The following GPR137 variants were observed in gnomAD, a reference collection of about 807,000 sequenced individuals.
GPR137 encodes the protein integral membrane protein GPR137.
In GPR137, 20 loss-of-function variants were observed where a neutral mutation model predicts 38.9. The observed-to-expected ratio is 0.51, with a 90% confidence interval of 0.36 to 0.75. The LOEUF (loss-of-function observed/expected upper bound fraction) is 0.75, where lower values mean the gene tolerates loss of function less well. Ranked by LOEUF, GPR137 falls within the 30% of genes least tolerant of loss-of-function variation. GPR137 has a pLI of 0.00. For missense variants in GPR137, 456 were observed against 526.4 expected (o/e 0.87, Z 1.31); for synonymous variants, 226 against 235.8 (o/e 0.96, Z 0.38).
chr11:64,285,858 G>A lies in GPR137; in HGVS notation c.-667G>A. The A allele has an allele frequency of 6.1e-6, 6 of 983,478 alleles. No individual in the cohort carries two copies. Among genetic ancestry groups the A allele is most frequent in the Non-Finnish European group, 7.2e-6 (6 of 828,178 alleles). 60.9% of individuals were successfully genotyped at this position (983,478 alleles called of 1,614,324 possible). ...GAGGGGGAGGGGGGCGGAGCAGCGGGAGCCGGGGAGCCGGAGCCCCGGGTC... is the reference window on the plus strand; with the variant it reads ...GAGGGGGAGGGGGGCGGAGCAGCGGAAGCCGGGGAGCCGGAGCCCCGGGTC... On this transcript the variant is annotated 5_prime_UTR_variant, in exon 1 of 7. Transcript: ENST00000438980.
chr11:64,284,991 T>TC (rs1378584490), upstream of GPR137: 1 of 1,307,890 alleles, frequency 7.6e-7, no homozygotes, highest in Non-Finnish European at 9.8e-7. Flanking sequence ...GGCCTTAGTT[T>TC]CCCCCCAGTG....
intron 1 of GPR137, chr11:64,270,678 C>A (rs570760113): frequency 1.8e-6 from 1 of 551,896 alleles, no homozygotes; most frequent in African/African-American, 1.9e-5. Flanking sequence ...GCCTGTAATC[C>A]CAGCACTTTG....
At chr11:64,278,080 G>A (rs1468465167) in intron 2 of GPR137, among the ~76,000 whole-genome samples, 1 of 152,090 alleles carries the variant, frequency 6.6e-6, no homozygotes, top group Non-Finnish European at 1.5e-5. Flanking sequence ...TTGAGGCCAG[G>A]AGTTCGAGAC....
chr11:64,280,114 G>A (rs369730302), upstream of GPR137, among the ~76,000 whole-genome samples: 63 of 151,376 alleles, frequency 4.2e-4, no homozygotes, highest in Middle Eastern at 3.4e-3. Flanking sequence ...TCAGGAGATC[G>A]AGACCATCCT....
At position 64,288,123 on chromosome 11, in the gene GPR137, G is replaced by A; in HGVS notation, c.692G>A (p.Ser231Asn). The change falls in exon 4 of 7, where the codon AGC (serine) becomes AAC (asparagine). Residue 231 changes from serine (S) to asparagine (N), a missense_variant. Ser to Asn is a conservative substitution (Grantham distance 46). Transcript: ENST00000438980. The surrounding 1 kb of genome is among the most constrained non-coding windows in gnomAD (Gnocchi z 5.5). ...MGGAMVLLYA[S>N]RACYNLTALA... ...GGCGCCATGGTCCTGCTCTATGCCA[G>A]CCGGGCCTGCTACAACCTGACAGCA... 1 of 1,612,612 alleles carries A rather than the reference G, an allele frequency of 6.2e-7. No individual in the cohort carries two copies. Among genetic ancestry groups the A allele is most frequent in the Non-Finnish European group, 8.5e-7 (1 of 1,180,006 alleles).
Position 64,288,901 on chromosome 11 carries a change from C to T in GPR137, c.1032-136C>T. The T allele has an allele frequency of 6.9e-7, 1 of 1,440,570 alleles. No individual in the cohort carries two copies. The highest frequency in any genetic ancestry group is 2.5e-5 in the East Asian group (1 of 40,140). 89.2% of individuals were successfully genotyped at this position (1,440,570 alleles called of 1,614,324 possible). A position where few individuals can be genotyped will look rare whatever the true frequency, so the allele number is the denominator to read the frequency against. On this transcript the variant is annotated intron_variant, in intron 6 of 6. Coordinates refer to ENST00000438980, the MANE Select transcript of GPR137 (RefSeq NM_001170880.2). This position sits in a 1 kb window ranked among gnomAD's most constrained non-coding sequence, Gnocchi z 5.5. ...CTATTGCTAAAGCCTCCACCTCTTG[C>T]CTAGAGATGTACTTTGTCCTGGGCC...
At chr11:64,280,135 G>A (rs1207030702), upstream of GPR137, among the ~76,000 whole-genome samples, 2 of 151,430 alleles carry the variant, frequency 1.3e-5, no homozygotes, top group Non-Finnish European at 2.9e-5. Context: ...GGCTAACATG[G>A]TGAAACCCCA....
Position 64,289,304 on chromosome 11 carries a change from AC to A in GPR137, c.*113del. 1 of 1,609,684 alleles carries A rather than the reference AC, an allele frequency of 6.2e-7. No individual in the cohort carries two copies. The highest frequency in any genetic ancestry group is 8.5e-7 in the Non-Finnish European group (1 of 1,178,898). ...GCCCAGGATCCTGGGGGTCGTGGCT[AC>A]CCCCTCCTCTGGCCGGCTCCTTGCT... On this transcript the variant is annotated 3_prime_UTR_variant, in exon 7 of 7. Coordinates refer to ENST00000438980, the MANE Select transcript of GPR137 (RefSeq NM_001170880.2).
intron 2 of GPR137, chr11:64,276,946 G>A (rs566098716): frequency 1.8e-5 from 14 of 756,864 alleles, no homozygotes; most frequent in Admixed American, 1.3e-4. Context: ...CTGAGTCAGC[G>A]GCTGGGGCGG....
At chr11:64,281,702 C>G (rs556524491), upstream of GPR137, among the ~76,000 whole-genome samples, 1 of 152,316 alleles carries the variant, frequency 6.6e-6, no homozygotes, top group Non-Finnish European at 1.5e-5. Flanking sequence ...ATCACTCCCC[C>G]CGCCCCTGTG....
upstream of GPR137, among the ~76,000 whole-genome samples, chr11:64,282,559 A>C (rs1346061582): frequency 1.4e-5 from 2 of 146,668 alleles, no homozygotes; most frequent in African/African-American, 5.1e-5. Context: ...ACAAAAGGAG[A>C]CCCCGCCCCT....
Position 64,288,454 on chromosome 11 carries a change from C to T in GPR137, c.898C>T (p.Pro300Ser). 1 of 1,613,328 alleles carries T rather than the reference C, an allele frequency of 6.2e-7. No homozygotes were observed. Among genetic ancestry groups the T allele is most frequent in the South Asian group, 1.1e-5 (1 of 91,084 alleles). The change falls in exon 5 of 7, where the codon CCC becomes TCC. Residue 300 changes from proline to serine, a missense_variant. Coordinates refer to ENST00000438980, the MANE Select transcript of GPR137 (RefSeq NM_001170880.2). This position sits in a 1 kb window ranked among gnomAD's most constrained non-coding sequence, Gnocchi z 5.5. Reference sequence around the variant, plus strand: ...GGTGGGCTTCTTCCGGGTGCACCGGCCCCCACAGGACCTGGTAAGGGTCTG... The same window carrying T: ...GGTGGGCTTCTTCCGGGTGCACCGGTCCCCACAGGACCTGGTAAGGGTCTG... ...LLVGFFRVHR[P>S]PQDLSTSHIL...
upstream of GPR137, among the ~76,000 whole-genome samples, chr11:64,281,704 G>A (rs1195789094): frequency 6.6e-6 from 1 of 151,990 alleles, no homozygotes; most frequent in Admixed American, 6.6e-5. Flanking sequence ...CACTCCCCCC[G>A]CCCCTGTGAC....
chr11:64,285,376 G>A, upstream of GPR137: 4 of 985,110 alleles, frequency 4.1e-6, no homozygotes, highest in Non-Finnish European at 4.8e-6. Context: ...CAGGCGGCCG[G>A]CCAGGTGAGC....
upstream of GPR137, among the ~76,000 whole-genome samples, chr11:64,271,453 T>C (rs1207014689): frequency 1.3e-5 from 2 of 148,498 alleles, no homozygotes; most frequent in Admixed American, 1.3e-4. Context: ...GTCTTGTGAC[T>C]ACAAATCCCA....
chr11:64,277,944 C>G (rs1565348722), intron 2 of GPR137, among the ~76,000 whole-genome samples: 1 of 152,144 alleles, frequency 6.6e-6, no homozygotes, highest in Non-Finnish European at 1.5e-5. Context: ...ATTTGAATTT[C>G]ATAGAATGTT....
At chr11:64,285,680 C>A (rs2033897361), upstream of GPR137, 1 of 985,012 alleles carries the variant, frequency 1.0e-6, no homozygotes, top group African/African-American at 1.7e-5. Flanking sequence ...GCAACTCGGC[C>A]GCCCTCCTGC....
chr11:64,284,955 TGCCAACAAGTCCTTCA>T, upstream of GPR137: 1 of 1,395,840 alleles, frequency 7.2e-7, no homozygotes, highest in Non-Finnish European at 9.3e-7. Flanking sequence ...GACCCACTTC[TGCCAACAAGTCCTTCA>T]GCCCCTCTGG....
chr11:64,284,598 G>A, upstream of GPR137: 1 of 1,498,826 alleles, frequency 6.7e-7, no homozygotes, highest in Non-Finnish European at 8.9e-7. Flanking sequence ...CCCAGGCCCC[G>A]CCCCGCCCGT....
Sources: gnomAD v4.1 joint callset for allele counts (sites outside exome capture counted in the v4.1 genomes callset) on GRCh38, gnomAD v4.1.1 for gene constraint, Gnocchi (gnomAD v3.1) non-coding constraint, MANE v1.5 for transcripts, NCBI Gene and HGNC (gene_info 2026-07-23, HGNC 2026-07-21) for gene names.